GAS2: variants seen among roughly 807,000 people sequenced by gnomAD.
GAS2 encodes the protein growth arrest-specific protein 2.
In GAS2, 20 loss-of-function variants were observed where a neutral mutation model predicts 37.5. That is an observed-to-expected ratio of 0.53 (90% CI 0.37 to 0.77). The LOEUF is 0.77. Among genes scored for constraint, GAS2 ranks in the 30% least tolerant of loss-of-function variants. The probability of loss-of-function intolerance (pLI) is 0.00; values close to 1 mark genes in which losing one functional copy is unlikely to be tolerated. For missense variants in GAS2, 336 were observed against 373.4 expected (o/e 0.90, Z 0.82); for synonymous variants, 144 against 132.2 (o/e 1.09, Z -0.61).
At chr11:22,649,782 A>G (rs1233354520) in intron 1 of GAS2, among the ~76,000 whole-genome samples, 1 of 151,442 alleles carries the variant, frequency 6.6e-6, no homozygotes, top group Non-Finnish European at 1.5e-5. Flanking sequence ...ATCATTTTTT[A>G]TTGCGTCTAT....
intron 3 of GAS2, among the ~76,000 whole-genome samples, chr11:22,701,557 G>A (rs553666510): frequency 1.3e-5 from 2 of 152,214 alleles, no homozygotes; most frequent in African/African-American, 2.4e-5. Context: ...GGCTGGGCGC[G>A]GTGGCTCACG....
chr11:22,665,089 CT>C (rs1195163313), upstream of GAS2, among the ~76,000 whole-genome samples: 1 of 151,936 alleles, frequency 6.6e-6, no homozygotes, highest in African/African-American at 2.4e-5. Flanking sequence ...TGTAAGCCTC[CT>C]TTTTTTCCCC....
intron 1 of GAS2, among the ~76,000 whole-genome samples, chr11:22,659,187 T>C (rs1000610561): frequency 2.0e-5 from 3 of 152,226 alleles, no homozygotes; most frequent in Non-Finnish European, 4.4e-5. Flanking sequence ...TGTGTGAAAC[T>C]AGGTGGTATA....
chr11:22,770,461 G>A (rs1232260985), intron 7 of GAS2, among the ~76,000 whole-genome samples: 1 of 152,156 alleles, frequency 6.6e-6, no homozygotes, highest in East Asian at 1.9e-4. Context: ...AAAGTAGAAA[G>A]TTTTACACTG....
chr11:22,721,915 G>A (rs1334121754), intron 3 of GAS2, among the ~76,000 whole-genome samples: 3 of 151,970 alleles, frequency 2.0e-5, no homozygotes, highest in Non-Finnish European at 4.4e-5. Flanking sequence ...TTTTTTACTT[G>A]CATTTATGAC....
At chr11:22,752,281 G>A (rs1853783255) in intron 6 of GAS2, among the ~76,000 whole-genome samples, 1 of 151,874 alleles carries the variant, frequency 6.6e-6, no homozygotes, top group Non-Finnish European at 1.5e-5. Context: ...GACCACAGAA[G>A]TCTCTTATTC....
At chr11:22,797,369 G>C (rs1050999645) in intron 7 of GAS2, among the ~76,000 whole-genome samples, 10 of 152,144 alleles carry the variant, frequency 6.6e-5, no homozygotes, top group Middle Eastern at 3.4e-3. Flanking sequence ...CCCACCAGAG[G>C]GAAACAATTA....
At chr11:22,672,072 G>A (rs61391009) in intron 1 of GAS2, among the ~76,000 whole-genome samples, 2,898 of 152,070 alleles carry the variant, frequency 0.019, 76 homozygotes, top group African/African-American at 0.066. Flanking sequence ...ATCTATGACA[G>A]TGACTTTAGG....
intron 7 of GAS2, among the ~76,000 whole-genome samples, chr11:22,801,206 C>T (rs1856646685): frequency 6.6e-6 from 1 of 151,950 alleles, no homozygotes; most frequent in African/African-American, 2.4e-5. Context: ...GGAAAAAAAA[C>T]TCCTTTCTGA....
At chr11:22,683,635 G>A (rs1034419401) in intron 2 of GAS2, among the ~76,000 whole-genome samples, 6 of 150,792 alleles carry the variant, frequency 4.0e-5, no homozygotes, top group African/African-American at 1.5e-4. Flanking sequence ...TAAGCCTTGA[G>A]CATCTTGGTA....
rs553652075 is a variant in GAS2 at position 22,696,055 on chromosome 11, T to G, written c.267+10266T>G. Among the ~76,000 whole-genome samples the G allele has an allele frequency of 3.3e-5, 5 of 151,940 alleles. No homozygotes were observed. The South Asian group carries it at 1.0e-3, about 32-fold the overall frequency. ...GTGCTGCACCCATTAACTCGTCATG[T>G]AGCATTAGGTATATCTCCTAATGCT... On this transcript the variant is annotated intron_variant, in intron 3 of 7. Transcript: ENST00000454584.
intron 3 of GAS2, 67 bp from the exon 4 acceptor site, chr11:22,726,225 T>C: frequency 6.7e-7 from 1 of 1,498,060 alleles, no homozygotes; most frequent in Non-Finnish European, 9.0e-7. Context: ...GTTGAAAACA[T>C]GTTTTTAAAA....
intron 5 of GAS2, among the ~76,000 whole-genome samples, chr11:22,741,469 C>CT (rs200463025): frequency 6.6e-6 from 1 of 151,450 alleles, no homozygotes; most frequent in African/African-American, 2.4e-5. Flanking sequence ...AAAAAAAAAA[C>CT]TTTTGATATT....
At chr11:22,696,066 A>T (rs968231853) in intron 3 of GAS2, among the ~76,000 whole-genome samples, 6 of 150,176 alleles carry the variant, frequency 4.0e-5, no homozygotes, top group Non-Finnish European at 5.9e-5. Flanking sequence ...AGCATTAGGT[A>T]TATCTCCTAA....
intron 1 of GAS2, among the ~76,000 whole-genome samples, chr11:22,651,020 T>C (rs540420009): frequency 1.6e-4 from 24 of 152,356 alleles, no homozygotes; most frequent in Admixed American, 3.3e-4. Context: ...GTCTTGTTGG[T>C]CTTTACATTT....
intron 3 of GAS2, among the ~76,000 whole-genome samples, chr11:22,716,368 G>A (rs563190157): frequency 3.3e-5 from 5 of 152,208 alleles, no homozygotes; most frequent in South Asian, 2.1e-4. Context: ...TATTCAGGCC[G>A]GGGGCTCATG....
At chr11:22,641,236 A>G (rs1447059136) in intron 1 of GAS2, among the ~76,000 whole-genome samples, 58 of 145,056 alleles carry the variant, frequency 4.0e-4, no homozygotes, top group Non-Finnish European at 7.2e-4. Context: ...GTGTATATAT[A>G]TATGTGTATA....
intron 3 of GAS2, among the ~76,000 whole-genome samples, chr11:22,707,677 G>A (rs1013571013): frequency 9.2e-5 from 14 of 152,152 alleles, no homozygotes; most frequent in Admixed American, 8.5e-4. Flanking sequence ...ATATAAATAT[G>A]TGGTGAGTGA....
At chr11:22,653,117 C>T (rs1038447616) in intron 1 of GAS2, among the ~76,000 whole-genome samples, 1 of 149,712 alleles carries the variant, frequency 6.7e-6, no homozygotes, top group Non-Finnish European at 1.5e-5. Flanking sequence ...CCCTTCCTTC[C>T]TCCCTCCTTT....
Sources: gnomAD v4.1 joint callset for allele counts (sites outside exome capture counted in the v4.1 genomes callset) on GRCh38, gnomAD v4.1.1 for gene constraint, MANE v1.5 for transcripts, NCBI Gene and HGNC (gene_info 2026-07-23, HGNC 2026-07-21) for gene names.